ZNF208: variants seen among roughly 807,000 people sequenced by gnomAD.
ZNF208 encodes the protein zinc finger protein 208, also known as zinc finger protein 95.
In ZNF208, 10 loss-of-function variants were observed where a neutral mutation model predicts 12.1. The ratio of observed to expected loss-of-function variants is 0.83; its 90% CI spans 0.51 to 1.40. ZNF208 has a LOEUF of 1.40. Ranked by LOEUF, ZNF208 falls within the 40% of genes most tolerant of loss-of-function variation. The pLI, the probability that ZNF208 is intolerant of heterozygous loss-of-function variation, is 0.00. For synonymous variants in ZNF208, 497 were observed against 488.4 expected (o/e 1.02, Z -0.23); for missense variants, 1,652 against 1,485.0 (o/e 1.11, Z -1.85).
At chr19:21,958,271 AC>A (rs1433391556) in intron 4 of ZNF208, among the ~76,000 whole-genome samples, 1 of 152,120 alleles carries the variant, frequency 6.6e-6, no homozygotes, top group Non-Finnish European at 1.5e-5. Context: ...CGTTTTGATG[AC>A]ATTTTAAACC....
At position 21,950,002 on chromosome 19, in the gene ZNF208, C is replaced by T. The variant is rs567236691; in HGVS notation, c.306-16765G>A. On this transcript the variant is annotated intron_variant, in intron 4 of 4. Coordinates refer to the ZNF208 transcript ENST00000599916. ...CCTTGCCTGAACTCAGCCACTTTCTCCCAGAGGAAACTAAAGAGCCTAAAC... is the reference window on the plus strand; with the variant it reads ...CCTTGCCTGAACTCAGCCACTTTCTTCCAGAGGAAACTAAAGAGCCTAAAC... 9.7e-4 allele frequency among the ~76,000 whole-genome samples: 148 copies of T among 152,232 alleles called. 1 individual carries two copies. Among genetic ancestry groups the T allele is most frequent in the Non-Finnish European group, 1.9e-4 (13 of 68,022 alleles).
intron 1 of ZNF208, chr19:21,997,763 G>A (rs1970864921): frequency 6.5e-6 from 1 of 154,572 alleles, no homozygotes; most frequent in South Asian, 2.1e-4. Flanking sequence ...TATTTATAAT[G>A]GTGACATGAA....
In ZNF208 at chr19:21,972,391, T is replaced by A; in HGVS notation, c.2643A>T (p.Lys881Asn). 1.9e-6 allele frequency: 3 copies of A among 1,612,556 alleles called. No individual in the cohort carries two copies. The highest frequency in any genetic ancestry group is 2.5e-6 in the Non-Finnish European group (3 of 1,179,286). The change falls in exon 4 of 4, where the codon AAA becomes AAT. Residue 881 changes from lysine (K) to asparagine (N), a missense_variant. By Grantham distance (94) the Lys-to-Asn change is moderately conservative (BLOSUM62 0). Transcript: ENST00000397126. Reference sequence around the variant, plus strand: ...TGTAGGGTTTCTCTCCAGTATGAATTTTCTTATGATAACTAAGGGTTGAGG... The same window carrying A: ...TGTAGGGTTTCTCTCCAGTATGAATATTCTTATGATAACTAAGGGTTGAGG... ...KWPSTLSYHK[K>N]IHTGEKPYKC...
In ZNF208 at chr19:21,970,600, C is replaced by G; in HGVS notation, c.*591G>C. 2 of 891,384 alleles carry G rather than the reference C, an allele frequency of 2.2e-6. No homozygotes were observed. The highest frequency in any genetic ancestry group is 2.7e-5 in the South Asian group (2 of 74,988). The allele number at this position is 891,384 out of a possible 1,614,324, so 55.2% of individuals were successfully genotyped here. ...GTTGAAGTCTTTATCACATTCTTCA[C>G]ATTTGTAGGGCTTCTCACCAGTATG... On this transcript the variant is annotated 3_prime_UTR_variant, in exon 4 of 4. Transcript: ENST00000397126.
rs569465578 is a variant in ZNF208, at chr19:21,960,732, T to C, written c.305+13997A>G. 2.0e-3 allele frequency among the ~76,000 whole-genome samples: 312 copies of C among 152,278 alleles called. 1 individual carries two copies. Among genetic ancestry groups the C allele is most frequent in the African/African-American group, 7.2e-3 (301 of 41,566 alleles). On this transcript the variant is annotated intron_variant, in intron 4 of 4. Transcript: ENST00000599916. ...TTCTCCAGCCACAACCAGAAAGTCT[T>C]TGCTTCCCCTTTGCCTTCCACCATG...
chr19:21,944,693 A>G (rs1278326474), intron 4 of ZNF208, among the ~76,000 whole-genome samples: 1 of 152,210 alleles, frequency 6.6e-6, no homozygotes, highest in Non-Finnish European at 1.5e-5. Context: ...GCACACAGCT[A>G]ATTACCCAAA....
intron 4 of ZNF208, among the ~76,000 whole-genome samples, chr19:21,953,287 A>G (rs1365397787): frequency 6.6e-6 from 1 of 152,220 alleles, no homozygotes; most frequent in African/African-American, 2.4e-5. Flanking sequence ...AAGGCAGGCC[A>G]ACATTCAAAT....
chr19:22,003,484 A>G (rs1339244606), intron 1 of ZNF208, among the ~76,000 whole-genome samples: 2 of 138,238 alleles, frequency 1.4e-5, no homozygotes, highest in Non-Finnish European at 3.1e-5. Flanking sequence ...AGTTTACAAG[A>G]AAAAAAAACT....
In ZNF208 at chr19:21,967,921, A is replaced by T. The variant is rs979561039; in HGVS notation, c.*3270T>A. ...TGCATTGTCTCTCGTTTCTTTCAGC[A>T]ATGTTTTGTTGTTCTTTGTAGAGAT... On this transcript the variant is annotated 3_prime_UTR_variant, in exon 4 of 4. Transcript: ENST00000397126. The T allele has an allele frequency of 2.6e-5, 4 of 152,018 alleles. No homozygotes were observed. The highest frequency in any genetic ancestry group is 2.6e-4 in the Admixed American group (4 of 15,258). 9.4% of individuals were successfully genotyped at this position (152,018 alleles called of 1,614,324 possible).
chr19:21,945,924 A>G (rs1969809432), intron 4 of ZNF208, among the ~76,000 whole-genome samples: 1 of 151,552 alleles, frequency 6.6e-6, no homozygotes. Context: ...AAAGCTCCAG[A>G]CACTGTTAAG....
At chr19:21,977,805 G>A (rs1384244657) in intron 3 of ZNF208, among the ~76,000 whole-genome samples, 3 of 152,222 alleles carry the variant, frequency 2.0e-5, no homozygotes, top group Non-Finnish European at 2.9e-5. Context: ...CCCACAACCA[G>A]GGAGCCCAGC....
rs188383885 is a variant in ZNF208, at chr19:21,987,184, C to T, written c.226+32G>A. On this transcript the variant is annotated intron_variant, in intron 3 of 3. Transcript: ENST00000397126. The stretch of plus-strand genomic sequence containing the variant: ...GCTTCCTCCTTGACTTTCGACCTCT[C>T]ATCCATGTTGTCTGTATTCACTCTC... 487 of 1,594,702 alleles carry T rather than the reference C, an allele frequency of 3.1e-4. 2 individuals carry two copies. The African/African-American group carries it at 6.2e-3, about 20-fold the overall frequency.
intron 1 of ZNF208, among the ~76,000 whole-genome samples, chr19:21,996,188 T>G (rs1031255204): frequency 6.6e-6 from 1 of 152,338 alleles, no homozygotes; most frequent in South Asian, 2.1e-4. Flanking sequence ...CAAGCTTAAG[T>G]ATTTTAACTT....
intron 4 of ZNF208, among the ~76,000 whole-genome samples, chr19:21,955,328 G>T (rs1969955881): frequency 1.3e-5 from 2 of 152,130 alleles, no homozygotes; most frequent in South Asian, 4.1e-4. Flanking sequence ...TTCTTGAGGA[G>T]TATCTTTGTG....
At chr19:21,962,204 G>T (rs12461800), downstream of ZNF208, among the ~76,000 whole-genome samples, 1 of 151,886 alleles carries the variant, frequency 6.6e-6, no homozygotes, top group African/African-American at 2.4e-5. Context: ...CCCTCCATTT[G>T]GGGTCCTTGA....
At chr19:21,953,516 G>C (rs1969925670) in intron 4 of ZNF208, among the ~76,000 whole-genome samples, 1 of 152,168 alleles carries the variant, frequency 6.6e-6, no homozygotes, top group Non-Finnish European at 1.5e-5. Flanking sequence ...TCAACATTCT[G>C]AAAGGAAAGA....
intron 3 of ZNF208, among the ~76,000 whole-genome samples, chr19:21,976,003 A>G (rs1462790042): frequency 6.6e-6 from 1 of 152,072 alleles, no homozygotes; most frequent in East Asian, 1.9e-4. Flanking sequence ...TACCACTGAA[A>G]ATAACATAAT....
chr19:21,984,816 G>T (rs868666293), intron 3 of ZNF208, among the ~76,000 whole-genome samples: 1 of 152,076 alleles, frequency 6.6e-6, no homozygotes, highest in African/African-American at 2.4e-5. Context: ...AAGCAATGTT[G>T]CAGGCATTAA....
chr19:21,951,670 G>A (rs979129856), intron 4 of ZNF208, among the ~76,000 whole-genome samples: 9 of 151,858 alleles, frequency 5.9e-5, no homozygotes, highest in African/African-American at 1.7e-4. Flanking sequence ...TGTAAAAATC[G>A]GAGATCCATT....
Sources: gnomAD v4.1 joint callset for allele counts (sites outside exome capture counted in the v4.1 genomes callset) on GRCh38, gnomAD v4.1.1 for gene constraint, MANE v1.5 for transcripts, NCBI Gene and HGNC (gene_info 2026-07-23, HGNC 2026-07-21) for gene names.